Variants in AKAP12 observed in about 807,000 individuals in gnomAD.
AKAP12 encodes the protein A-kinase anchor protein 12.
In AKAP12, 32 loss-of-function variants were observed where a neutral mutation model predicts 79.9. The ratio of observed to expected loss-of-function variants is 0.40; its 90% CI spans 0.30 to 0.54. The LOEUF is 0.54. AKAP12 is among the 20% of genes least tolerant of loss of function. The pLI, the probability that AKAP12 is intolerant of heterozygous loss-of-function variation, is 0.48. For missense variants in AKAP12, 2,074 were observed against 2,177.0 expected, an observed-to-expected ratio of 0.95 and a Z score of 0.94; for synonymous variants, 808 against 857.0, an observed-to-expected ratio of 0.94 and a Z score of 1.00.
At chr6:151,257,948 A>C (rs982827580) in intron 2 of AKAP12, among the ~76,000 whole-genome samples, 1 of 152,326 alleles carries the variant, frequency 6.6e-6, no homozygotes, top group African/African-American at 2.4e-5. Context: ...AATTCTGATA[A>C]TTTGCATTAG....
At chr6:151,332,033 G>GT (rs71014573) in intron 3 of AKAP12, among the ~76,000 whole-genome samples, 1,092 of 79,636 alleles carry the variant, frequency 0.014, 18 homozygotes, top group East Asian at 0.083. Context: ...TTCTGGGTCT[G>GT]TTTTTTTTTT....
intron 2 of AKAP12, among the ~76,000 whole-genome samples, chr6:151,252,557 G>A (rs181631425): frequency 6.7e-4 from 102 of 152,010 alleles, no homozygotes; most frequent in Middle Eastern, 3.4e-3. Flanking sequence ...AGTGGCTATG[G>A]AGAAGTGCAG....
rs869087478 is a variant in AKAP12, at chr6:151,305,169, G to GTT, written c.163-562_163-561dup. Among the ~76,000 whole-genome samples, 588 of 136,942 alleles carry GTT rather than the reference G, an allele frequency of 4.3e-3. 2 individuals carry two copies. Among genetic ancestry groups the GTT allele is most frequent in the Non-Finnish European group, 6.5e-3 (406 of 62,668 alleles). 89.8% of individuals were successfully genotyped at this position (136,942 alleles called of 152,430 possible). ...GACACCCCCAGCCTCAGTCAGGGCTGTTTTTTTTTTTTTTTTTAAAACCTA... is the reference window on the plus strand; with the variant it reads ...GACACCCCCAGCCTCAGTCAGGGCTGTTTTTTTTTTTTTTTTTTTAAAACCTA... On this transcript the variant is annotated intron_variant, in intron 2 of 4. Transcript: ENST00000402676.
chr6:151,344,265 G>C lies in AKAP12; in HGVS notation c.320-4446G>C, dbSNP rs182073747. 6.9e-4 allele frequency among the ~76,000 whole-genome samples: 105 copies of C among 152,254 alleles called. 1 individual carries two copies. Among genetic ancestry groups the C allele is most frequent in the Admixed American group, 6.0e-3 (91 of 15,284 alleles). On this transcript the variant is annotated intron_variant, in intron 3 of 4. Transcript: ENST00000402676. ...CTTAGATACTGATGGCAGAAAAAAT[G>C]AGCCTTGCTGATTATCGAAGCTGTT... is the stretch of plus-strand genomic sequence containing the variant.
At chr6:151,348,682 C>CAT in intron 3 of AKAP12, 29 bp from the exon 4 acceptor site, 1 of 198,916 alleles carries the variant, frequency 5.0e-6, no homozygotes, top group South Asian at 5.6e-5. Context: ...TTCTCTTCTC[C>CAT]CCACCCCCCC....
Position 151,356,150 on chromosome 6 carries a change from A to G in AKAP12, c.*436A>G, listed in dbSNP as rs918749293. On this transcript the variant is annotated 3_prime_UTR_variant, in exon 5 of 5. Coordinates refer to ENST00000402676, the MANE Select transcript of AKAP12 (RefSeq NM_005100.4). ...GTGCAGGATACTACATGCTTTTTGT[A>G]TCACACAGTATATGATGGGGCATGT... 6.6e-6 allele frequency: 1 copy of G among 152,562 alleles called. No homozygotes were observed. Among genetic ancestry groups the G allele is most frequent in the Admixed American group, 6.5e-5 (1 of 15,274 alleles). The allele number at this position is 152,562 out of a possible 1,614,324, so 9.5% of individuals were successfully genotyped here.
Position 151,350,001 on chromosome 6 carries a change from G to C in AKAP12, c.1610G>C (p.Arg537Thr), listed in dbSNP as rs780611272. The change falls in exon 4 of 5, where the codon AGA becomes ACA. Residue 537 changes from arginine to threonine, a missense_variant. By Grantham distance (71) the Arg-to-Thr change is moderately conservative. This residue lies in a region of AKAP12 where 1,428 missense variants were observed against 1,451.0 expected (regional missense o/e 0.98). Transcript: ENST00000402676. The surrounding 1 kb of genome is among the most constrained non-coding windows in gnomAD (Gnocchi z 4.8). ...KLSGKKQKGK[R>T]GGGDEESGEH... ...TCTGGAAAGAAACAGAAAGGGAAAAGAGGAGGAGGAGACGAGGAATCAGGG... is the reference window on the plus strand; with the variant it reads ...TCTGGAAAGAAACAGAAAGGGAAAACAGGAGGAGGAGACGAGGAATCAGGG... 2 of 1,614,152 alleles carry C rather than the reference G, an allele frequency of 1.2e-6. No individual in the cohort carries two copies. Among genetic ancestry groups the C allele is most frequent in the African/African-American group, 1.3e-5 (1 of 75,044 alleles).
chr6:151,350,731 C>T lies in AKAP12; in HGVS notation c.2340C>T (p.Ser780=), dbSNP rs541609199. ...CAAAGTCCAAGCTGGAAGAGAAAAGCGAAGACTCCATAGCTGGGTCTGGTG... is the reference window on the plus strand; with the variant it reads ...CAAAGTCCAAGCTGGAAGAGAAAAGTGAAGACTCCATAGCTGGGTCTGGTG... ...KKSKSKLEEK[S]EDSIAGSGVE... is the part of the protein sequence containing the mutation. Residue 780 remains serine, a synonymous_variant, in exon 4 of 5, where the codon AGC becomes AGT. Transcript: ENST00000402676. This position sits in a 1 kb window ranked among gnomAD's most constrained non-coding sequence, Gnocchi z 4.8. The T allele has an allele frequency of 5.2e-5, 84 of 1,613,824 alleles. No individual in the cohort carries two copies. The highest frequency in any genetic ancestry group is 2.0e-4 in the East Asian group (9 of 44,884).
chr6:151,259,511 TACACACACACAC>T lies in AKAP12; in HGVS notation c.162+18810_162+18821del, dbSNP rs373506742. 5.9e-5 allele frequency among the ~76,000 whole-genome samples: 6 copies of T among 101,104 alleles called. No individual in the cohort carries two copies. In the South Asian group the frequency reaches 9.7e-4, roughly 16 times the overall value. 66.3% of individuals were successfully genotyped at this position (101,104 alleles called of 152,430 possible). ...ACACACATATACATGTATATATATATACACACACACACACACACACACACACACACACACGTT... is the reference window on the plus strand; with the variant it reads ...ACACACATATACATGTATATATATATACACACACACACACACACACACGTT... On this transcript the variant is annotated intron_variant, in intron 2 of 4. Transcript: ENST00000402676.
In AKAP12 at chr6:151,284,376, G is replaced by A. The variant is rs145647413; in HGVS notation, c.163-21371G>A. The stretch of plus-strand genomic sequence containing the variant: ...TGTGGTGGCTAACACCTGTAATCCC[G>A]GCACTTTGGGAAGCCGAGGTGGAAG... On this transcript the variant is annotated intron_variant, in intron 2 of 4. Transcript: ENST00000402676. Among the ~76,000 whole-genome samples, 993 of 152,184 alleles carry A rather than the reference G, an allele frequency of 6.5e-3. 9 individuals are homozygous for A. Among genetic ancestry groups the A allele is most frequent in the African/African-American group, 0.022 (898 of 41,528 alleles).
intron 3 of AKAP12, among the ~76,000 whole-genome samples, chr6:151,322,069 C>T (rs529648283): frequency 6.6e-6 from 1 of 151,956 alleles, no homozygotes; most frequent in South Asian, 2.1e-4. Flanking sequence ...GCCACCACGC[C>T]CGGCTAATTT....
At chr6:151,348,324 CA>C (rs3029381) in intron 3 of AKAP12, 11,020 of 391,086 alleles carry the variant, frequency 0.028, 40 homozygotes, top group African/African-American at 0.082. Flanking sequence ...GACTCTGTCT[CA>C]AAAAAAAAAA....
Position 151,352,154 on chromosome 6 carries a change from G to T in AKAP12, c.3763G>T (p.Val1255Leu), listed in dbSNP as rs775466504. ...AGATAAAGAGGTGTCAGTGGAAACT[G>T]TATCCATTCTGTCAAAGACTGAGGG... ...HTDKEVSVET[V>L]SILSKTEGTQ... The change falls in exon 4 of 5, where the codon GTA becomes TTA. Residue 1255 changes from valine to leucine, a missense_variant. This residue lies in a region of AKAP12 where 614 missense variants were observed against 665.6 expected (regional missense o/e 0.92). Transcript: ENST00000402676. 1 of 1,614,158 alleles carries T rather than the reference G, an allele frequency of 6.2e-7. No individual in the cohort carries two copies. The highest frequency in any genetic ancestry group is 1.1e-5 in the South Asian group (1 of 91,082).
Position 151,351,277 on chromosome 6 carries a change from C to T in AKAP12, c.2886C>T (p.Gly962=), listed in dbSNP as rs573213287. ...TGCCAGAGAACAGAGAGGCCCGGGG[C>T]GACACGGTCGTTAGTGAGGCGGAAT... ...EPLPENREAR[G]DTVVSEAELT... The change falls in exon 4 of 5, where the codon GGC becomes GGT. Residue 962 remains glycine (G), a synonymous_variant. Coordinates refer to ENST00000402676, the MANE Select transcript of AKAP12 (RefSeq NM_005100.4). This position sits in a 1 kb window ranked among gnomAD's most constrained non-coding sequence, Gnocchi z 4.4. 213 of 1,614,188 alleles carry T rather than the reference C, an allele frequency of 1.3e-4. 8 individuals are homozygous for T. In the South Asian group the frequency reaches 1.9e-3, roughly 15 times the overall value.
chr6:151,274,498 C>T (rs1776254443), intron 2 of AKAP12, among the ~76,000 whole-genome samples: 1 of 152,106 alleles, frequency 6.6e-6, no homozygotes, highest in Admixed American at 6.5e-5. Context: ...GTATCAGAAA[C>T]ATTTTGTTGG....
intron 2 of AKAP12, among the ~76,000 whole-genome samples, chr6:151,243,511 C>G (rs1366630322): frequency 6.6e-6 from 1 of 152,160 alleles, no homozygotes; most frequent in Non-Finnish European, 1.5e-5. Flanking sequence ...GTTAAACAAG[C>G]TTTTGATTAC....
intron 3 of AKAP12, among the ~76,000 whole-genome samples, chr6:151,321,043 A>C (rs560628924): frequency 6.6e-6 from 1 of 151,256 alleles, no homozygotes; most frequent in Non-Finnish European, 1.5e-5. Flanking sequence ...CTGGAGTGCA[A>C]TGACGCGATC....
At position 151,350,435 on chromosome 6, in the gene AKAP12, T is replaced by G; in HGVS notation, c.2044T>G (p.Leu682Val). ...KVDTSVSWEA[L>V]ICVGSSKKRA... The stretch of plus-strand genomic sequence containing the variant: ...GGATACCTCAGTATCTTGGGAAGCT[T>G]TAATTTGTGTGGGATCATCCAAGAA... Residue 682 changes from leucine (L) to valine (V), a missense_variant, in exon 4 of 5, where the codon TTA (leucine) becomes GTA (valine). Physicochemically the swap from Leu to Val is conservative, Grantham distance 32. This residue lies in a region of AKAP12 where 1,428 missense variants were observed against 1,451.0 expected (regional missense o/e 0.98). Transcript: ENST00000402676. The surrounding 1 kb of genome is among the most constrained non-coding windows in gnomAD (Gnocchi z 4.8). 1.2e-6 allele frequency: 2 copies of G among 1,613,254 alleles called. No individual in the cohort carries two copies. Among genetic ancestry groups the G allele is most frequent in the Non-Finnish European group, 1.7e-6 (2 of 1,179,920 alleles).
chr6:151,274,200 T>A (rs1776248891), intron 2 of AKAP12, among the ~76,000 whole-genome samples: 1 of 152,002 alleles, frequency 6.6e-6, no homozygotes, highest in African/African-American at 2.4e-5. Context: ...GCCTCCCAAG[T>A]AGCTGGGACT....
Sources: allele counts gnomAD v4.1 joint callset (sites outside exome capture counted in the v4.1 genomes callset), GRCh38; gene constraint gnomAD v4.1.1; regional missense constraint gnomAD v4.1.1; non-coding constraint Gnocchi (gnomAD v3.1); transcripts MANE v1.5; gene names NCBI Gene and HGNC (gene_info 2026-07-23, HGNC 2026-07-21).